Variants in ROBO2 observed in about 807,000 individuals in gnomAD.
ROBO2 encodes roundabout homolog 2.
Under a neutral mutation model 160.8 loss-of-function variants are expected in ROBO2, and 53 were observed. That is an observed-to-expected ratio of 0.33 (90% confidence interval 0.26 to 0.41). The LOEUF is 0.41. Among genes scored for constraint, ROBO2 ranks in the 10% least tolerant of loss-of-function variants. The pLI is 1.00. For synonymous variants in ROBO2, 664 were observed against 611.7 expected, an observed-to-expected ratio of 1.09 and a Z score of -1.26; for missense variants, 1,577 against 1,722.4, an observed-to-expected ratio of 0.92 and a Z score of 1.49.
At chr3:75,927,624 G>A (rs1350331719) in intron 1 of ROBO2, among the ~76,000 whole-genome samples, 2 of 152,116 alleles carry the variant, frequency 1.3e-5, no homozygotes, top group East Asian at 3.9e-4. Flanking sequence ...CACACAGAAT[G>A]CAGAACAAAA....
chr3:77,596,343 T>C (rs2094302761), intron 18 of ROBO2, among the ~76,000 whole-genome samples: 1 of 152,130 alleles, frequency 6.6e-6, no homozygotes, highest in African/African-American at 2.4e-5. Flanking sequence ...AAACCTTGTT[T>C]TGGGATCCTA....
At chr3:76,242,207 G>A (rs549344983) in intron 2 of ROBO2, among the ~76,000 whole-genome samples, 4 of 151,998 alleles carry the variant, frequency 2.6e-5, no homozygotes, top group Non-Finnish European at 5.9e-5. Context: ...CAGTTGTTGT[G>A]CGGCCCTGTT....
In ROBO2 at chr3:76,268,102, G is replaced by A. The variant is rs192197790; in HGVS notation, c.109+330500G>A. On this transcript the variant is annotated intron_variant, in intron 2 of 26. Transcript: ENST00000487694. ...ACATGGTGAGACCTGATCTCTAAAT[G>A]TACACATATACACATAAATTATCCA... Among the ~76,000 whole-genome samples, 80 of 152,244 alleles carry A rather than the reference G, an allele frequency of 5.3e-4. No homozygotes were observed. The East Asian group carries it at 0.015, about 28-fold the overall frequency.
chr3:76,214,531 G>A (rs1213653630), intron 2 of ROBO2, among the ~76,000 whole-genome samples: 2 of 152,190 alleles, frequency 1.3e-5, no homozygotes, highest in African/African-American at 2.4e-5. Context: ...CACCTGGCTT[G>A]GAGGGTCCTA....
intron 2 of ROBO2, among the ~76,000 whole-genome samples, chr3:76,145,958 G>A (rs571121245): frequency 5.4e-4 from 82 of 152,036 alleles, no homozygotes; most frequent in African/African-American, 1.9e-3. Context: ...CGCAGTGAGG[G>A]GTGAACTAAC....
chr3:77,404,105 T>C (rs2076060662), intron 2 of ROBO2, among the ~76,000 whole-genome samples: 1 of 152,200 alleles, frequency 6.6e-6, no homozygotes, highest in South Asian at 2.1e-4. Flanking sequence ...AAAAATGTTA[T>C]ATGACAGTCT....
chr3:77,101,295 G>T (rs1283451593), intron 2 of ROBO2, among the ~76,000 whole-genome samples: 1 of 136,524 alleles, frequency 7.3e-6, no homozygotes, highest in Admixed American at 7.3e-5. Flanking sequence ...TACTAGATTT[G>T]TTTTGTTTTG....
chr3:77,176,840 A>G (rs2150796658), intron 2 of ROBO2, among the ~76,000 whole-genome samples: 1 of 152,106 alleles, frequency 6.6e-6, no homozygotes, highest in Middle Eastern at 3.4e-3. Context: ...TGTTTCTTAT[A>G]TAAAACTTAC....
chr3:77,163,436 A>G (rs572040827), intron 2 of ROBO2, among the ~76,000 whole-genome samples: 1 of 152,336 alleles, frequency 6.6e-6, no homozygotes, highest in Non-Finnish European at 1.5e-5. Context: ...GCTAACTTAC[A>G]GAGAGTCCAA....
intron 2 of ROBO2, among the ~76,000 whole-genome samples, chr3:76,601,319 C>A (rs1342155784): frequency 6.6e-6 from 1 of 152,184 alleles, no homozygotes; most frequent in Non-Finnish European, 1.5e-5. Context: ...AGTGGTGCCC[C>A]AGTAGGGACC....
At chr3:76,153,283 A>G (rs2072278634) in intron 2 of ROBO2, among the ~76,000 whole-genome samples, 1 of 152,176 alleles carries the variant, frequency 6.6e-6, no homozygotes, top group Non-Finnish European at 1.5e-5. Context: ...CACAGCTGGT[A>G]AAACACAGAA....
intron 2 of ROBO2, among the ~76,000 whole-genome samples, chr3:76,603,926 A>G (rs1420853613): frequency 1.3e-5 from 2 of 152,230 alleles, no homozygotes; most frequent in Admixed American, 1.3e-4. Flanking sequence ...AATTGCACCG[A>G]AAGTCTTAGT....
At chr3:76,984,367 G>A (rs960075049) in intron 2 of ROBO2, among the ~76,000 whole-genome samples, 1 of 152,112 alleles carries the variant, frequency 6.6e-6, no homozygotes, top group Non-Finnish European at 1.5e-5. Flanking sequence ...CTAAGACCCA[G>A]TAGAACAGGA....
chr3:77,096,953 C>G (rs572327758), intron 1 of ROBO2, among the ~76,000 whole-genome samples: 272 of 152,286 alleles, frequency 1.8e-3, no homozygotes, highest in Non-Finnish European at 3.3e-3. Flanking sequence ...TTCTCTTGAA[C>G]TATTTAAGTA....
Position 76,930,009 on chromosome 3 carries a change from A to G in ROBO2, c.110-168005A>G, listed in dbSNP as rs112734685. ...ACTTGCTTTCATCTTCTTGTATATT[A>G]CTTTGTCAAATACTCTTTTCTTTTT... On this transcript the variant is annotated intron_variant, in intron 2 of 26. Coordinates refer to the ROBO2 transcript ENST00000487694. Among the ~76,000 whole-genome samples the G allele has an allele frequency of 6.5e-3, 991 of 152,060 alleles. 10 individuals carry two copies. Among genetic ancestry groups the G allele is most frequent in the African/African-American group, 0.022 (929 of 41,470 alleles).
intron 2 of ROBO2, among the ~76,000 whole-genome samples, chr3:76,935,703 G>A (rs1443151935): frequency 6.6e-6 from 1 of 152,172 alleles, no homozygotes; most frequent in Admixed American, 6.5e-5. Context: ...TTCTAGCTGT[G>A]TTCTGCCATA....
At chr3:77,067,133 G>A (rs2066943184) in intron 1 of ROBO2, among the ~76,000 whole-genome samples, 1 of 151,788 alleles carries the variant, frequency 6.6e-6, no homozygotes, top group Admixed American at 6.6e-5. Flanking sequence ...TTCAAAAACT[G>A]TCTGTACTTG....
intron 2 of ROBO2, among the ~76,000 whole-genome samples, chr3:76,024,818 TGC>T (rs2066685691): frequency 6.6e-6 from 1 of 151,570 alleles, no homozygotes; most frequent in African/African-American, 2.4e-5. Context: ...AAATACTAAC[TGC>T]TATGTCTTGA....
intron 2 of ROBO2, among the ~76,000 whole-genome samples, chr3:76,951,796 A>G (rs149847401): frequency 1.3e-5 from 2 of 152,284 alleles, no homozygotes; most frequent in Non-Finnish European, 2.9e-5. Context: ...CCATGCTCCA[A>G]AAATTCTCCC....
Sources: gnomAD v4.1 joint callset for allele counts (sites outside exome capture counted in the v4.1 genomes callset) on GRCh38, gnomAD v4.1.1 for gene constraint, MANE v1.5 for transcripts, NCBI Gene and HGNC (gene_info 2026-07-23, HGNC 2026-07-21) for gene names.